Variants in TNR observed in about 807,000 individuals in gnomAD.
TNR encodes the protein tenascin-R.
In TNR, 45 loss-of-function variants were observed where a neutral mutation model predicts 150.4. The ratio of observed to expected loss-of-function variants is 0.30; its 90% CI spans 0.24 to 0.38. The LOEUF (loss-of-function observed/expected upper bound fraction) is 0.38, where lower values mean the gene tolerates loss of function less well. TNR is among the 10% of genes least tolerant of loss of function. The pLI is 1.00. For missense variants in TNR, 1,544 were observed against 1,759.1 expected, an observed-to-expected ratio of 0.88 and a Z score of 2.19; for synonymous variants, 687 against 678.4, an observed-to-expected ratio of 1.01 and a Z score of -0.20.
At chr1:175,523,730 A>G (rs1659736574) in intron 2 of TNR, among the ~76,000 whole-genome samples, 1 of 152,120 alleles carries the variant, frequency 6.6e-6, no homozygotes, top group Admixed American at 6.5e-5. Flanking sequence ...CTGCCCCTCT[A>G]ATTGCTGTGT....
rs751722733 is a variant in TNR, at chr1:175,696,225, T to TGTTGTTGTTGTTG, written c.-165+47000_-165+47001insCAACAACAACAAC. 9.0e-4 allele frequency among the ~76,000 whole-genome samples: 118 copies of TGTTGTTGTTGTTG among 131,288 alleles called. 1 individual carries two copies. The highest frequency in any genetic ancestry group is 3.4e-3 in the African/African-American group (112 of 33,346). 86.1% of individuals were successfully genotyped at this position (131,288 alleles called of 152,430 possible). ...AAATGAGCCTTCCTGTAGTTTTTTT[T>TGTTGTTGTTGTTG]TTTTTTTTTTTTTTTTTTTCCAAAA... On this transcript the variant is annotated intron_variant, in intron 1 of 22. Transcript: ENST00000367674.
At chr1:175,419,731 C>T (rs1557922360) in intron 2 of TNR, among the ~76,000 whole-genome samples, 1 of 152,166 alleles carries the variant, frequency 6.6e-6, no homozygotes, top group Non-Finnish European at 1.5e-5. Flanking sequence ...ATCCACCGAC[C>T]TCAGCCTCCC....
Position 175,403,516 on chromosome 1 carries a change from C to T in TNR, c.600G>A (p.Ser200=), listed in dbSNP as rs142283399. The T allele has an allele frequency of 5.6e-5, 90 of 1,614,218 alleles. No individual in the cohort carries two copies. Among genetic ancestry groups the T allele is most frequent in the Middle Eastern group, 3.3e-4 (2 of 6,062 alleles). The change falls in exon 4 of 23, where the codon TCG becomes TCA. Residue 200 remains serine, a synonymous_variant. Coordinates refer to ENST00000367674, the MANE Select transcript of TNR (RefSeq NM_003285.3). ...CNEGWFGKNC[S]EPYCPLGCSS... is the part of the protein sequence containing the mutation. ...AGCAACCCAGCGGGCAGTAGGGCTC[C>T]GAGCAATTCTTGCCAAACCAGCCTT...
At chr1:175,598,171 T>G (rs984803270) in intron 1 of TNR, among the ~76,000 whole-genome samples, 1 of 152,146 alleles carries the variant, frequency 6.6e-6, no homozygotes, top group East Asian at 1.9e-4. Flanking sequence ...AGTAACAGTC[T>G]CCAGAAATCA....
chr1:175,344,241 G>A (rs1650665326), intron 18 of TNR, among the ~76,000 whole-genome samples: 1 of 152,222 alleles, frequency 6.6e-6, no homozygotes, highest in South Asian at 2.1e-4. Flanking sequence ...GCCAATCCAG[G>A]ACACTTTCCC....
chr1:175,365,851 C>T (rs1406692107), intron 11 of TNR, 24 bp downstream of exon 11: 1 of 1,604,480 alleles, frequency 6.2e-7, no homozygotes, highest in African/African-American at 1.3e-5. Context: ...CTGAACCTGG[C>T]TGGGATTTCT....
At chr1:175,420,638 A>C (rs1177970740) in intron 2 of TNR, among the ~76,000 whole-genome samples, 3 of 152,186 alleles carry the variant, frequency 2.0e-5, no homozygotes, top group African/African-American at 7.2e-5. Flanking sequence ...ATAACAGAAC[A>C]CCTGGTATTT....
intron 1 of TNR, among the ~76,000 whole-genome samples, chr1:175,651,904 A>G (rs1337374461): frequency 6.6e-6 from 1 of 151,560 alleles, no homozygotes; most frequent in Non-Finnish European, 1.5e-5. Context: ...ATAGTTTAAC[A>G]TCAGAAATCT....
intron 1 of TNR, among the ~76,000 whole-genome samples, chr1:175,546,024 T>A (rs1339067894): frequency 6.6e-6 from 1 of 152,314 alleles, no homozygotes; most frequent in East Asian, 1.9e-4. Flanking sequence ...AGGCTTCCAT[T>A]TGGGGTACCA....
intron 11 of TNR, 106 bp from the exon 12 acceptor site, chr1:175,365,385 C>A: frequency 2.8e-5 from 36 of 1,308,064 alleles, no homozygotes; most frequent in Non-Finnish European, 3.6e-5. Flanking sequence ...CTAATAAGGG[C>A]CACACCTTCA....
At chr1:175,381,743 ATAAAT>A (rs1652690744) in intron 8 of TNR, among the ~76,000 whole-genome samples, 1 of 152,244 alleles carries the variant, frequency 6.6e-6, no homozygotes, top group Non-Finnish European at 1.5e-5. Context: ...CCACTAAAAC[ATAAAT>A]TAGATTAAGT....
At chr1:175,626,018 A>C (rs990087429) in intron 1 of TNR, among the ~76,000 whole-genome samples, 9 of 152,028 alleles carry the variant, frequency 5.9e-5, no homozygotes, top group Admixed American at 5.2e-4. Flanking sequence ...TGCTATTCTC[A>C]TGATAGTGAA....
At chr1:175,462,007 G>T (rs1202118612) in intron 2 of TNR, among the ~76,000 whole-genome samples, 1 of 152,214 alleles carries the variant, frequency 6.6e-6, no homozygotes, top group Non-Finnish European at 1.5e-5. Context: ...AAATATGGAT[G>T]TAATATGCCT....
intron 2 of TNR, among the ~76,000 whole-genome samples, chr1:175,426,337 G>T (rs57458379): frequency 6.6e-6 from 1 of 152,152 alleles, no homozygotes; most frequent in African/African-American, 2.4e-5. Context: ...TGCTGCGTTT[G>T]CTCCCCTGCC....
At chr1:175,624,424 T>C (rs1374490427) in intron 1 of TNR, among the ~76,000 whole-genome samples, 1 of 152,066 alleles carries the variant, frequency 6.6e-6, no homozygotes, top group African/African-American at 2.4e-5. Context: ...GGCCCATAAT[T>C]CATTATGACT....
chr1:175,644,619 A>C (rs1436057962), intron 1 of TNR, among the ~76,000 whole-genome samples: 4 of 152,248 alleles, frequency 2.6e-5, no homozygotes, highest in African/African-American at 9.6e-5. Flanking sequence ...GAATTGTGGC[A>C]CTGAGGATCT....
intron 1 of TNR, among the ~76,000 whole-genome samples, chr1:175,595,746 G>C (rs1275021111): frequency 6.6e-6 from 1 of 152,208 alleles, no homozygotes; most frequent in Non-Finnish European, 1.5e-5. Context: ...TTCCTAGCTA[G>C]TTAAAAATCG....
intron 1 of TNR, among the ~76,000 whole-genome samples, chr1:175,540,810 G>A (rs921940496): frequency 2.6e-5 from 4 of 151,770 alleles, no homozygotes; most frequent in Admixed American, 6.6e-5. Flanking sequence ...CTCTCAGCCC[G>A]CTTCTAATCC....
intron 1 of TNR, among the ~76,000 whole-genome samples, chr1:175,658,916 G>A (rs142228086): frequency 2.0e-5 from 3 of 152,314 alleles, no homozygotes; most frequent in African/African-American, 2.4e-5. Flanking sequence ...CTTTCACATC[G>A]ATGTTTTAGG....
Sources: allele counts gnomAD v4.1 joint callset (sites outside exome capture counted in the v4.1 genomes callset), GRCh38; gene constraint gnomAD v4.1.1; transcripts MANE v1.5; gene names NCBI Gene and HGNC (gene_info 2026-07-23, HGNC 2026-07-21).